CD82: variants seen among roughly 807,000 people sequenced by gnomAD.
CD82 encodes CD82 antigen.
Under a neutral mutation model 37.4 loss-of-function variants are expected in CD82, and 36 were observed. The observed-to-expected ratio is 0.96, with a 90% confidence interval of 0.74 to 1.27. The LOEUF (loss-of-function observed/expected upper bound fraction) is 1.27. CD82 is among the 50% of genes most tolerant of loss of function. The pLI, the probability that CD82 is intolerant of heterozygous loss-of-function variation, is 0.00. For missense variants in CD82, 340 were observed against 347.0 expected, an observed-to-expected ratio of 0.98 and a Z score of 0.16; for synonymous variants, 158 against 137.4, an observed-to-expected ratio of 1.15 and a Z score of -1.05.
intron 6 of CD82, chr11:44,606,851 A>G (rs767188805): frequency 6.6e-6 from 1 of 152,340 alleles, no homozygotes; most frequent in African/African-American, 2.4e-5. Context: ...CACAGCATAT[A>G]CCAAGTACAG....
intron 6 of CD82, among the ~76,000 whole-genome samples, chr11:44,614,624 A>G (rs980018588): frequency 2.0e-5 from 3 of 151,476 alleles, no homozygotes; most frequent in Non-Finnish European, 4.4e-5. Context: ...AGAGAAATAC[A>G]GCATGCTTTC....
intron 6 of CD82, among the ~76,000 whole-genome samples, chr11:44,614,002 TTTG>T (rs796605548): frequency 9.5e-4 from 106 of 111,912 alleles, no homozygotes; most frequent in African/African-American, 2.5e-3. Context: ...TGTTGTTGTT[TTTG>T]TTGTTGTTTT....
chr11:44,587,381 C>G, intron 1 of CD82, 94 bp from the exon 2 acceptor site: 1 of 450,016 alleles, frequency 2.2e-6, no homozygotes, highest in Non-Finnish European at 4.5e-6. Flanking sequence ...GCCGGCCACA[C>G]GGGGAGCCTG....
intron 1 of CD82, among the ~76,000 whole-genome samples, chr11:44,575,339 C>T (rs969501341): frequency 6.6e-6 from 1 of 152,198 alleles, no homozygotes; most frequent in Non-Finnish European, 1.5e-5. Context: ...ATGACCTCTC[C>T]CCACAGTGAC....
intron 6 of CD82, among the ~76,000 whole-genome samples, chr11:44,614,816 C>T (rs779375047): frequency 9.9e-5 from 15 of 152,052 alleles, no homozygotes; most frequent in South Asian, 2.1e-4. Flanking sequence ...GCATTCCAGG[C>T]GGTGGGAACA....
At chr11:44,570,708 G>A (rs961629136) in intron 1 of CD82, among the ~76,000 whole-genome samples, 11 of 90,682 alleles carry the variant, frequency 1.2e-4, no homozygotes, top group South Asian at 3.2e-4. Context: ...CTTCTCTTCC[G>A]ATGCCTGGCC....
At position 44,577,434 on chromosome 11, in the gene CD82, G is replaced by A. The variant is rs567769725; in HGVS notation, c.-102-10041G>A. Among the ~76,000 whole-genome samples, 23 of 152,206 alleles carry A rather than the reference G, an allele frequency of 1.5e-4. No homozygotes were observed. The East Asian group carries it at 2.5e-3, about 17-fold the overall frequency. On this transcript the variant is annotated intron_variant, in intron 1 of 9. Coordinates refer to ENST00000227155, the MANE Select transcript of CD82 (RefSeq NM_002231.4). ...CTGGCCAAGCCGACTCAACTCTCTC[G>A]GGTTCTGTGCAGTGGGTGAACTGGC... is the stretch of plus-strand genomic sequence containing the variant.
chr11:44,585,697 C>T (rs1382135588), intron 1 of CD82, among the ~76,000 whole-genome samples: 1 of 152,208 alleles, frequency 6.6e-6, no homozygotes, highest in African/African-American at 2.4e-5. Context: ...GAGTCCAGTA[C>T]TTCTTATCCC....
chr11:44,570,852 G>A, intron 1 of CD82, among the ~76,000 whole-genome samples: 1 of 152,340 alleles, frequency 6.6e-6, no homozygotes. Flanking sequence ...TGTGGAAGGT[G>A]CTGCTATCCT....
intron 1 of CD82, chr11:44,566,364 G>A (rs1424373705): frequency 1.3e-5 from 2 of 152,286 alleles, no homozygotes; most frequent in Non-Finnish European, 2.9e-5. Flanking sequence ...TGGAAACTGG[G>A]GAACAGTTCT....
In CD82 at chr11:44,617,331, G is replaced by A. The variant is rs534104211; in HGVS notation, c.439-831G>A. Among the ~76,000 whole-genome samples the A allele has an allele frequency of 2.6e-5, 4 of 152,234 alleles. No individual in the cohort carries two copies. In the South Asian group the frequency reaches 6.2e-4, roughly 24 times the overall value. On this transcript the variant is annotated intron_variant, in intron 7 of 9. Coordinates refer to ENST00000227155, the MANE Select transcript of CD82 (RefSeq NM_002231.4). The stretch of plus-strand genomic sequence containing the variant: ...CCCAGCACTTTGGGAGGCCGAGGCG[G>A]GCGGATCACTTGAGGTCAGGAGGTC...
chr11:44,612,072 A>T (rs1012011267), intron 6 of CD82, among the ~76,000 whole-genome samples: 1 of 152,180 alleles, frequency 6.6e-6, no homozygotes, highest in African/African-American at 2.4e-5. Context: ...CACCGTGGGG[A>T]TCACCCACCC....
chr11:44,568,668 G>C (rs1852772063), intron 1 of CD82, among the ~76,000 whole-genome samples: 1 of 152,184 alleles, frequency 6.6e-6, no homozygotes, highest in Non-Finnish European at 1.5e-5. Context: ...GGGGACTGGG[G>C]CAGGATTTTG....
intron 1 of CD82, among the ~76,000 whole-genome samples, chr11:44,574,657 G>A (rs1852863998): frequency 6.6e-6 from 1 of 152,196 alleles, no homozygotes; most frequent in South Asian, 2.1e-4. Context: ...AGACCTGCAG[G>A]AGGAAATAAC....
chr11:44,570,782 C>G (rs545388510), intron 1 of CD82, among the ~76,000 whole-genome samples: 1 of 152,380 alleles, frequency 6.6e-6, no homozygotes, highest in East Asian at 1.9e-4. Flanking sequence ...GAAGGGGCCA[C>G]TCTGGCCTTT....
intron 4 of CD82, among the ~76,000 whole-genome samples, chr11:44,601,126 C>G (rs1289242450): frequency 6.6e-6 from 1 of 152,142 alleles, no homozygotes; most frequent in Admixed American, 6.5e-5. Flanking sequence ...GCGGAAGCCC[C>G]CAGGGGACAG....
intron 1 of CD82, among the ~76,000 whole-genome samples, chr11:44,581,029 T>C (rs1852971833): frequency 1.3e-5 from 2 of 152,184 alleles, no homozygotes; most frequent in African/African-American, 4.8e-5. Context: ...ACCCTTTTGT[T>C]AGCCACCTAC....
chr11:44,582,073 G>A (rs78661219), intron 1 of CD82, among the ~76,000 whole-genome samples: 1,859 of 152,340 alleles, frequency 0.012, 36 homozygotes, highest in African/African-American at 0.043. Context: ...AAAGTCAGTA[G>A]GATATTGAAC....
intron 2 of CD82, among the ~76,000 whole-genome samples, chr11:44,593,287 C>A (rs988561234): frequency 6.6e-6 from 1 of 152,248 alleles, no homozygotes; most frequent in African/African-American, 2.4e-5. Context: ...TCCCTTTGCT[C>A]TGTGGCCTGC....
Sources: allele counts gnomAD v4.1 joint callset (sites outside exome capture counted in the v4.1 genomes callset), GRCh38; gene constraint gnomAD v4.1.1; transcripts MANE v1.5; gene names NCBI Gene and HGNC (gene_info 2026-07-23, HGNC 2026-07-21).